Variants in SGCZ observed in about 807,000 individuals in gnomAD.
SGCZ encodes sarcoglycan zeta, also known as zeta-sarcoglycan.
In SGCZ, 40 loss-of-function variants were observed where a neutral mutation model predicts 41.3. The ratio of observed to expected loss-of-function variants is 0.97; its 90% CI spans 0.75 to 1.26. SGCZ has a LOEUF of 1.26. Ranked by LOEUF, SGCZ falls within the 50% of genes most tolerant of loss-of-function variation. The pLI, the probability that SGCZ is intolerant of heterozygous loss-of-function variation, is 0.00. For missense variants in SGCZ, 552 were observed against 369.8 expected (o/e 1.49, Z -4.04); for synonymous variants, 206 against 137.5 (o/e 1.50, Z -3.49).
intron 4 of SGCZ, among the ~76,000 whole-genome samples, chr8:14,214,232 G>C (rs1444822550): frequency 6.6e-6 from 1 of 152,102 alleles, no homozygotes; most frequent in Non-Finnish European, 1.5e-5. Flanking sequence ...TCGAAGGGCA[G>C]TCTACAAAAC....
chr8:14,313,514 G>A (rs1190286620), intron 3 of SGCZ, among the ~76,000 whole-genome samples: 4 of 151,912 alleles, frequency 2.6e-5, no homozygotes, highest in African/African-American at 9.7e-5. Flanking sequence ...ACAAGGCTTT[G>A]CCATGTTGGC....
intron 1 of SGCZ, among the ~76,000 whole-genome samples, chr8:14,766,161 T>C (rs557731362): frequency 6.6e-6 from 1 of 152,020 alleles, no homozygotes; most frequent in East Asian, 1.9e-4. Context: ...GGTTTCACCA[T>C]GTTGGCCAGG....
intron 1 of SGCZ, among the ~76,000 whole-genome samples, chr8:14,863,374 G>A (rs544351036): frequency 6.6e-6 from 1 of 151,928 alleles, no homozygotes; most frequent in Non-Finnish European, 1.5e-5. Context: ...ACCCAGGCTG[G>A]AGTGTAGTGA....
chr8:14,306,130 G>A (rs536699040), intron 3 of SGCZ, among the ~76,000 whole-genome samples: 1 of 152,160 alleles, frequency 6.6e-6, no homozygotes, highest in East Asian at 1.9e-4. Context: ...TTGTTTTTCA[G>A]CAAAAGCTAA....
At position 14,148,764 on chromosome 8, in the gene SGCZ, T is replaced by C. The variant is rs533360083; in HGVS notation, c.547+15816A>G. Among the ~76,000 whole-genome samples the C allele has an allele frequency of 1.4e-4, 21 of 152,202 alleles. No individual in the cohort carries two copies. In the South Asian group the frequency reaches 3.7e-3, roughly 27 times the overall value. ...AAGAAAACTACAGGCCAAAATCTGATGAATATTGATGCAAAAATCTTCCAT... is the reference window on the plus strand; with the variant it reads ...AAGAAAACTACAGGCCAAAATCTGACGAATATTGATGCAAAAATCTTCCAT... On this transcript the variant is annotated intron_variant, in intron 5 of 7. Coordinates refer to ENST00000382080, the MANE Select transcript of SGCZ (RefSeq NM_139167.4).
At chr8:14,488,481 T>A (rs531018028) in intron 2 of SGCZ, among the ~76,000 whole-genome samples, 26 of 152,212 alleles carry the variant, frequency 1.7e-4, no homozygotes, top group South Asian at 4.2e-4. Context: ...CTCACTTCAA[T>A]AAAGTTGCAA....
chr8:14,342,508 G>A (rs113271092), intron 2 of SGCZ, among the ~76,000 whole-genome samples: 1,818 of 152,040 alleles, frequency 0.012, 35 homozygotes, highest in African/African-American at 0.04. Context: ...GTAGAGATGG[G>A]GTTTCACCAT....
chr8:15,018,729 A>G (rs1334624855), intron 1 of SGCZ, among the ~76,000 whole-genome samples: 3 of 152,226 alleles, frequency 2.0e-5, no homozygotes, highest in Non-Finnish European at 4.4e-5. Flanking sequence ...AGGTTGTAGA[A>G]AGGGATGTTG....
Position 14,901,193 on chromosome 8 carries a change from C to T in SGCZ, c.39+336392G>A, listed in dbSNP as rs528799756. Among the ~76,000 whole-genome samples the T allele has an allele frequency of 3.3e-5, 5 of 152,260 alleles. No homozygotes were observed. In the South Asian group the frequency reaches 1.0e-3, roughly 32 times the overall value. On this transcript the variant is annotated intron_variant, in intron 1 of 7. Coordinates refer to ENST00000382080, the MANE Select transcript of SGCZ (RefSeq NM_139167.4). ...AATTGCAACTTTTAGTTGGGAGACT[C>T]TTCTATTATCCTTAATGAACCCTAA...
chr8:14,338,452 T>C (rs1344961418), intron 2 of SGCZ, among the ~76,000 whole-genome samples: 1 of 152,136 alleles, frequency 6.6e-6, no homozygotes, highest in Non-Finnish European at 1.5e-5. Flanking sequence ...TTTGGACAAT[T>C]CTCAAGAGCC....
chr8:14,390,358 G>C (rs961879071), intron 2 of SGCZ, among the ~76,000 whole-genome samples: 2 of 151,556 alleles, frequency 1.3e-5, no homozygotes, highest in African/African-American at 4.8e-5. Context: ...TTAATCAACT[G>C]TGTTCTAATA....
At chr8:14,214,704 T>A (rs927274967) in intron 4 of SGCZ, among the ~76,000 whole-genome samples, 3 of 151,660 alleles carry the variant, frequency 2.0e-5, no homozygotes, top group Non-Finnish European at 2.9e-5. Context: ...GTAATTTTTT[T>A]AAAAAAAGCA....
chr8:15,136,138 G>C (rs985521157), intron 1 of SGCZ, among the ~76,000 whole-genome samples: 9 of 151,958 alleles, frequency 5.9e-5, no homozygotes, highest in Non-Finnish European at 1.3e-4. Context: ...TCCTCAATTT[G>C]GTCCAGGGTC....
intron 1 of SGCZ, among the ~76,000 whole-genome samples, chr8:14,949,489 G>C (rs1376324832): frequency 6.6e-6 from 1 of 152,100 alleles, no homozygotes; most frequent in Non-Finnish European, 1.5e-5. Flanking sequence ...GATTTGTCTA[G>C]AGCATGAAGA....
chr8:14,464,996 A>T (rs1322523456), intron 2 of SGCZ, among the ~76,000 whole-genome samples: 1 of 151,696 alleles, frequency 6.6e-6, no homozygotes, highest in Non-Finnish European at 1.5e-5. Flanking sequence ...CTGTGGGCAA[A>T]CATATGGTCT....
intron 5 of SGCZ, among the ~76,000 whole-genome samples, chr8:14,122,339 C>G (rs1189398002): frequency 2.0e-5 from 3 of 152,104 alleles, no homozygotes; most frequent in Non-Finnish European, 4.4e-5. Flanking sequence ...TAGGAACATT[C>G]TCATTCACTG....
At chr8:14,268,755 T>A (rs1799961687) in intron 3 of SGCZ, among the ~76,000 whole-genome samples, 1 of 151,936 alleles carries the variant, frequency 6.6e-6, no homozygotes, top group Non-Finnish European at 1.5e-5. Flanking sequence ...ACATTTGCAT[T>A]CATTACTTTT....
At position 14,174,055 on chromosome 8, in the gene SGCZ, T is replaced by G. The variant is rs113938580; in HGVS notation, c.425-9353A>C. On this transcript the variant is annotated intron_variant, in intron 4 of 7. Coordinates refer to ENST00000382080, the MANE Select transcript of SGCZ (RefSeq NM_139167.4). ...GAGAATAATAATGAAAAATAGAGTT[T>G]CAAACAACATGAAAAGTAAAACAAA... Among the ~76,000 whole-genome samples the G allele has an allele frequency of 4.4e-3, 673 of 152,010 alleles. 2 individuals are homozygous for G. The highest frequency in any genetic ancestry group is 0.015 in the African/African-American group (611 of 41,490).
chr8:14,448,738 G>C (rs1381886209), intron 2 of SGCZ, among the ~76,000 whole-genome samples: 1 of 152,070 alleles, frequency 6.6e-6, no homozygotes, highest in Non-Finnish European at 1.5e-5. Context: ...ATAACTCCAT[G>C]ATCGCCGTTG....
Sources: gnomAD v4.1 joint callset for allele counts (sites outside exome capture counted in the v4.1 genomes callset) on GRCh38, gnomAD v4.1.1 for gene constraint, MANE v1.5 for transcripts, NCBI Gene and HGNC (gene_info 2026-07-23, HGNC 2026-07-21) for gene names.